The following VDAC1 variants were observed in gnomAD, a reference collection of about 807,000 sequenced individuals.
The protein encoded by VDAC1 is non-selective voltage-gated ion channel VDAC1.
In VDAC1, 10 loss-of-function variants were observed where a neutral mutation model predicts 34.7. The ratio of observed to expected loss-of-function variants is 0.29; its 90% CI spans 0.18 to 0.49. VDAC1 has a LOEUF of 0.49. Ranked by LOEUF, VDAC1 falls within the 20% of genes least tolerant of loss-of-function variation. The probability of loss-of-function intolerance (pLI) is 0.99; values close to 1 mark genes in which losing one functional copy is unlikely to be tolerated. For synonymous variants in VDAC1, 130 were observed against 136.0 expected (o/e 0.96, Z 0.30); for missense variants, 230 against 347.9 (o/e 0.66, Z 2.69).
chr5:134,029,367 G>T, the VDAC1 span, among the ~76,000 whole-genome samples: 2 of 152,158 alleles, frequency 1.3e-5, no homozygotes, highest in Admixed American at 1.3e-4. Context: ...TGCACTTTGG[G>T]GTAATTTATT....
the VDAC1 span, among the ~76,000 whole-genome samples, chr5:134,094,036 C>A: frequency 5.3e-5 from 8 of 152,208 alleles, no homozygotes; most frequent in Admixed American, 6.5e-5. Flanking sequence ...CCCCAGAGAC[C>A]AGAGCTGTGT....
At chr5:134,010,959 C>A in the VDAC1 span, among the ~76,000 whole-genome samples, 4 of 145,046 alleles carry the variant, frequency 2.8e-5, no homozygotes, top group East Asian at 7.8e-4. Flanking sequence ...TCCTCCCCTA[C>A]CCCCATTCCC....
intron 7 of VDAC1, 39 bp downstream of exon 7, chr5:133,975,832 G>A: frequency 1.2e-6 from 2 of 1,608,216 alleles, no homozygotes; most frequent in Non-Finnish European, 1.7e-6. Context: ...AAGAGCAGAT[G>A]GGCCTGCCTG....
chr5:134,029,389 T>C, the VDAC1 span, among the ~76,000 whole-genome samples: 1 of 152,232 alleles, frequency 6.6e-6, no homozygotes, highest in Non-Finnish European at 1.5e-5. Context: ...TGCCACAATA[T>C]ATAAGTAATA....
the VDAC1 span, among the ~76,000 whole-genome samples, chr5:134,080,409 C>A: frequency 6.6e-6 from 1 of 151,004 alleles, no homozygotes; most frequent in Non-Finnish European, 1.5e-5. Context: ...GGACCTGGGG[C>A]AGAGCCCTTG....
chr5:134,090,407 G>A, the VDAC1 span, among the ~76,000 whole-genome samples: 3 of 152,192 alleles, frequency 2.0e-5, no homozygotes, highest in Admixed American at 6.5e-5. Flanking sequence ...GGAAGGGTGC[G>A]TGGATGGTGA....
the VDAC1 span, among the ~76,000 whole-genome samples, chr5:134,091,649 A>C: frequency 6.6e-6 from 1 of 151,982 alleles, no homozygotes; most frequent in Non-Finnish European, 1.5e-5. Flanking sequence ...GCCCTGCTGG[A>C]AACACAGGTA....
the VDAC1 span, among the ~76,000 whole-genome samples, chr5:134,097,891 A>G: frequency 2.0e-4 from 31 of 151,352 alleles, no homozygotes; most frequent in Admixed American, 5.3e-4. Flanking sequence ...TTTTTTTGAG[A>G]TAGAGTTTCG....
the VDAC1 span, among the ~76,000 whole-genome samples, chr5:134,025,980 C>A: frequency 2.0e-5 from 3 of 152,080 alleles, no homozygotes; most frequent in Non-Finnish European, 2.9e-5. Flanking sequence ...AACCTTCTGC[C>A]TTTTCCACCG....
At chr5:133,990,274 G>C (rs1444060693) in intron 5 of VDAC1, among the ~76,000 whole-genome samples, 1 of 152,206 alleles carries the variant, frequency 6.6e-6, no homozygotes, top group East Asian at 1.9e-4. Context: ...CTAAGCAGCA[G>C]GAAGCTGGGA....
chr5:134,074,038 C>A, the VDAC1 span, among the ~76,000 whole-genome samples: 6 of 152,112 alleles, frequency 3.9e-5, no homozygotes, highest in East Asian at 1.2e-3. Context: ...GCTGGCTGGG[C>A]GCAGTGGCTC....
the VDAC1 span, among the ~76,000 whole-genome samples, chr5:134,092,802 C>T: frequency 6.6e-6 from 1 of 152,076 alleles, no homozygotes; most frequent in African/African-American, 2.4e-5. Flanking sequence ...AGGTATTATA[C>T]TTATAGGATT....
At chr5:133,979,249 T>G (rs975198700) in intron 6 of VDAC1, among the ~76,000 whole-genome samples, 1 of 152,084 alleles carries the variant, frequency 6.6e-6, no homozygotes, top group African/African-American at 2.4e-5. Flanking sequence ...CCTCCTAGAA[T>G]TGGTACTGAA....
chr5:134,072,251 C>T, the VDAC1 span, among the ~76,000 whole-genome samples: 1 of 152,132 alleles, frequency 6.6e-6, no homozygotes, highest in Non-Finnish European at 1.5e-5. Context: ...AGAGACAGGA[C>T]TTTATACGTT....
the VDAC1 span, among the ~76,000 whole-genome samples, chr5:134,060,806 AC>A: frequency 6.6e-6 from 1 of 151,452 alleles, no homozygotes; most frequent in African/African-American, 2.4e-5. Flanking sequence ...TTACATGGAA[AC>A]ATTCAACAAA....
chr5:134,113,118 C>G, the VDAC1 span, among the ~76,000 whole-genome samples: 4 of 152,284 alleles, frequency 2.6e-5, no homozygotes, highest in Admixed American at 6.5e-5. Flanking sequence ...CAGGGCCGAG[C>G]CCCCCCTTCC....
At chr5:134,097,401 C>A in the VDAC1 span, among the ~76,000 whole-genome samples, 2 of 152,192 alleles carry the variant, frequency 1.3e-5, no homozygotes, top group African/African-American at 4.8e-5. Flanking sequence ...ATCTCTATGG[C>A]AACTCACAGA....
the VDAC1 span, among the ~76,000 whole-genome samples, chr5:134,053,308 A>T: frequency 6.6e-6 from 1 of 152,184 alleles, no homozygotes. Flanking sequence ...CAGCAAAAAG[A>T]TGGCTTTCAG....
At chr5:134,083,169 C>CTTTTCT in the VDAC1 span, among the ~76,000 whole-genome samples, 1 of 148,486 alleles carries the variant, frequency 6.7e-6, no homozygotes, top group South Asian at 2.2e-4. Flanking sequence ...TGAGCCTGTG[C>CTTTTCT]TTTTCTTTTT....
Sources: allele counts gnomAD v4.1 joint callset (sites outside exome capture counted in the v4.1 genomes callset), GRCh38; gene constraint gnomAD v4.1.1; transcripts MANE v1.5; gene names NCBI Gene and HGNC (gene_info 2026-07-23, HGNC 2026-07-21).